Variants in DACH1 observed in about 807,000 individuals in gnomAD.
DACH1 encodes the protein dachshund family transcription factor 1.
A neutral mutation model predicts 54.2 loss-of-function variants in DACH1; 12 were observed. The observed-to-expected ratio is 0.22, with a 90% CI of 0.14 to 0.36. The LOEUF (loss-of-function observed/expected upper bound fraction) is 0.36. Among genes scored for constraint, DACH1 ranks in the 10% least tolerant of loss-of-function variants. DACH1 has a pLI of 1.00. For missense variants in DACH1, 805 were observed against 929.8 expected (o/e 0.87, Z 1.75); for synonymous variants, 386 against 366.2 (o/e 1.05, Z -0.62).
chr13:71,540,393 C>T (rs1883056292), intron 6 of DACH1, among the ~76,000 whole-genome samples: 1 of 152,080 alleles, frequency 6.6e-6, no homozygotes, highest in Non-Finnish European at 1.5e-5. Flanking sequence ...CTGCCTGGTC[C>T]TCACAAGTTG....
chr13:71,841,330 T>C (rs1872828103), intron 1 of DACH1, among the ~76,000 whole-genome samples: 2 of 152,050 alleles, frequency 1.3e-5, no homozygotes, highest in Admixed American at 6.6e-5. Context: ...TTATTTTTAA[T>C]TGACATAATA....
At chr13:71,536,654 A>G (rs1882825265) in intron 6 of DACH1, among the ~76,000 whole-genome samples, 1 of 152,138 alleles carries the variant, frequency 6.6e-6, no homozygotes, top group Non-Finnish European at 1.5e-5. Flanking sequence ...GCATTCATTC[A>G]ACAAAAACTT....
rs1296271695 is a variant in DACH1, at chr13:71,440,661, C to A, written c.2115G>T (p.Met705Ile). 6.2e-7 allele frequency: 1 copy of A among 1,603,682 alleles called. No homozygotes were observed. Among genetic ancestry groups the A allele is most frequent in the Non-Finnish European group, 8.5e-7 (1 of 1,175,226 alleles). The change falls in exon 11 of 11, where the codon ATG becomes ATT. Residue 705 changes from methionine (M) to isoleucine (I), a missense_variant. Coordinates refer to ENST00000613252, the MANE Select transcript of DACH1 (RefSeq NM_080759.6). The stretch of plus-strand genomic sequence containing the variant: ...TTTCTTCAACAGGAAAGATTCAGTA[C>A]ATGACAGTAGTTTTCAAATACAGTC... Reference protein sequence around the residue: ...DGRLYLKTTVMY With the variant: ...DGRLYLKTTVIY
intron 6 of DACH1, among the ~76,000 whole-genome samples, chr13:71,541,704 C>T (rs1347986001): frequency 6.6e-6 from 1 of 151,894 alleles, no homozygotes; most frequent in Non-Finnish European, 1.5e-5. Context: ...AAAACACTGA[C>T]ATTTTTACAT....
In DACH1 at chr13:71,559,851, A is replaced by G; in HGVS notation, c.1404T>C (p.Pro468=). 6.2e-7 allele frequency: 1 copy of G among 1,613,784 alleles called. No individual in the cohort carries two copies. The highest frequency in any genetic ancestry group is 8.5e-7 in the Non-Finnish European group (1 of 1,179,892). ...TGTCAGAAGAGCTCTCAGTCCGAGCAGGGGAGCTGGACACGCTGCTGCTGC... is the reference window on the plus strand; with the variant it reads ...TGTCAGAAGAGCTCTCAGTCCGAGCGGGGGAGCTGGACACGCTGCTGCTGC... ...SHRSSSVSSS[P]ARTESSSDRI... The change falls in exon 5 of 11, where the codon CCT becomes CCC. Residue 468 remains proline (P), a synonymous_variant. Coordinates refer to ENST00000613252, the MANE Select transcript of DACH1 (RefSeq NM_080759.6).
intron 1 of DACH1, among the ~76,000 whole-genome samples, chr13:71,723,448 T>A (rs1287116850): frequency 6.6e-6 from 1 of 152,036 alleles, no homozygotes; most frequent in Non-Finnish European, 1.5e-5. Context: ...GTTAACATGG[T>A]TAACATGGTT....
At chr13:71,669,902 C>T (rs1358719913) in intron 2 of DACH1, among the ~76,000 whole-genome samples, 1 of 152,024 alleles carries the variant, frequency 6.6e-6, no homozygotes, top group Non-Finnish European at 1.5e-5. Flanking sequence ...AGAATAAAGG[C>T]CAGACCTTTT....
intron 4 of DACH1, among the ~76,000 whole-genome samples, chr13:71,569,917 T>C (rs1885100200): frequency 1.3e-5 from 2 of 152,166 alleles, no homozygotes; most frequent in Admixed American, 6.5e-5. Context: ...AACACGTCAC[T>C]TGCAACAGAC....
intron 3 of DACH1, among the ~76,000 whole-genome samples, chr13:71,599,119 T>C (rs999438871): frequency 6.6e-6 from 1 of 152,136 alleles, no homozygotes; most frequent in African/African-American, 2.4e-5. Flanking sequence ...GATAAAATTA[T>C]TATAATTTTA....
At chr13:71,713,760 G>A (rs1172349778) in intron 1 of DACH1, among the ~76,000 whole-genome samples, 2 of 152,020 alleles carry the variant, frequency 1.3e-5, no homozygotes, top group East Asian at 1.9e-4. Context: ...TCAATAAAAG[G>A]TGTATTAGAT....
chr13:71,844,654 C>G (rs1412538443), intron 1 of DACH1, among the ~76,000 whole-genome samples: 1 of 152,046 alleles, frequency 6.6e-6, no homozygotes. Context: ...CAAAATTTAG[C>G]TATACCACCG....
At chr13:71,780,158 T>G (rs1410882801) in intron 1 of DACH1, among the ~76,000 whole-genome samples, 1 of 152,036 alleles carries the variant, frequency 6.6e-6, no homozygotes, top group East Asian at 1.9e-4. Context: ...GAATAGGAAT[T>G]ACATCAGCAA....
At chr13:71,574,520 C>T (rs1457933429) in intron 3 of DACH1, among the ~76,000 whole-genome samples, 5 of 152,012 alleles carry the variant, frequency 3.3e-5, no homozygotes, top group African/African-American at 7.2e-5. Flanking sequence ...AAAATCTCTA[C>T]GACATAGTTT....
chr13:71,811,735 C>T (rs969632311), intron 1 of DACH1, among the ~76,000 whole-genome samples: 5 of 152,166 alleles, frequency 3.3e-5, no homozygotes, highest in African/African-American at 9.6e-5. Context: ...CTGGAGCATC[C>T]TTTGGCAAAA....
At chr13:71,864,722 CG>C (rs577700136) in intron 1 of DACH1, among the ~76,000 whole-genome samples, 452 of 152,092 alleles carry the variant, frequency 3.0e-3, no homozygotes, top group African/African-American at 0.01. Context: ...ATCTCTACCC[CG>C]AAACTGACAA....
intron 1 of DACH1, among the ~76,000 whole-genome samples, chr13:71,808,073 C>G (rs1363470449): frequency 6.6e-6 from 1 of 152,160 alleles, no homozygotes; most frequent in Non-Finnish European, 1.5e-5. Flanking sequence ...ATTACTCTCT[C>G]CTTGACATCA....
intron 1 of DACH1, among the ~76,000 whole-genome samples, chr13:71,750,552 T>C (rs993064783): frequency 6.6e-6 from 1 of 152,212 alleles, no homozygotes; most frequent in African/African-American, 2.4e-5. Flanking sequence ...TTGTTTAATA[T>C]TGCTTTAAAG....
At chr13:71,677,445 C>T (rs184988626) in intron 2 of DACH1, among the ~76,000 whole-genome samples, 8 of 152,252 alleles carry the variant, frequency 5.3e-5, no homozygotes, top group Admixed American at 3.3e-4. Flanking sequence ...CACACAAGCC[C>T]ACTCAAGCAG....
At chr13:71,850,601 A>G (rs143851627) in intron 1 of DACH1, among the ~76,000 whole-genome samples, 1 of 152,354 alleles carries the variant, frequency 6.6e-6, no homozygotes, top group Non-Finnish European at 1.5e-5. Context: ...AAAGTTTAAA[A>G]ACCACACATG....
Sources: gnomAD v4.1 joint callset for allele counts (sites outside exome capture counted in the v4.1 genomes callset) on GRCh38, gnomAD v4.1.1 for gene constraint, MANE v1.5 for transcripts, NCBI Gene and HGNC (gene_info 2026-07-23, HGNC 2026-07-21) for gene names.